The following TENM4 variants were observed in gnomAD, a reference collection of about 807,000 sequenced individuals.
TENM4 encodes the protein teneurin transmembrane protein 4, also known as teneurin-4.
Under a neutral mutation model 243.3 loss-of-function variants are expected in TENM4, and 82 were observed. That is an observed-to-expected ratio of 0.34 (90% CI 0.28 to 0.40). The LOEUF (loss-of-function observed/expected upper bound fraction) is 0.40. Among genes scored for constraint, TENM4 ranks in the 10% least tolerant of loss-of-function variants. The pLI, the probability that TENM4 is intolerant of heterozygous loss-of-function variation, is 1.00. For synonymous variants in TENM4, 1,412 were observed against 1,456.3 expected, an observed-to-expected ratio of 0.97 and a Z score of 0.69; for missense variants, 3,138 against 3,673.3, an observed-to-expected ratio of 0.85 and a Z score of 3.77.
chr11:78,944,954 T>C (rs924601010), intron 6 of TENM4, among the ~76,000 whole-genome samples: 2 of 152,248 alleles, frequency 1.3e-5, no homozygotes, highest in African/African-American at 4.8e-5. Flanking sequence ...TAAAAACTCT[T>C]AATAAAAGGA....
chr11:78,800,068 G>T (rs1284183773), intron 15 of TENM4, among the ~76,000 whole-genome samples: 1 of 152,158 alleles, frequency 6.6e-6, no homozygotes, highest in Non-Finnish European at 1.5e-5. Flanking sequence ...ATGCCACAGA[G>T]GCTAAAATCT....
chr11:79,277,688 C>A (rs1856083359), intron 2 of TENM4, among the ~76,000 whole-genome samples: 1 of 152,156 alleles, frequency 6.6e-6, no homozygotes, highest in African/African-American at 2.4e-5. Context: ...CTGCTGCTGT[C>A]AGGCAGACTT....
chr11:78,790,773 C>A (rs190563704), intron 15 of TENM4, among the ~76,000 whole-genome samples: 11 of 152,338 alleles, frequency 7.2e-5, no homozygotes, highest in Admixed American at 5.9e-4. Flanking sequence ...CTCAGCTTTT[C>A]CAGCAGATCC....
intron 2 of TENM4, among the ~76,000 whole-genome samples, chr11:79,250,066 A>C (rs1469140533): frequency 6.6e-6 from 1 of 151,914 alleles, no homozygotes; most frequent in Non-Finnish European, 1.5e-5. Flanking sequence ...GCTCACTTCA[A>C]CCTCTGTCTC....
intron 4 of TENM4, among the ~76,000 whole-genome samples, chr11:79,105,810 T>C (rs2137090026): frequency 6.6e-6 from 1 of 152,348 alleles, no homozygotes; most frequent in Middle Eastern, 3.4e-3. Flanking sequence ...AAGGTAACAG[T>C]GTTGCTGGCT....
intron 19 of TENM4, among the ~76,000 whole-genome samples, chr11:78,742,802 A>G (rs1855961383): frequency 6.6e-6 from 1 of 152,176 alleles, no homozygotes; most frequent in Non-Finnish European, 1.5e-5. Flanking sequence ...CTGGAGAGAC[A>G]AAACCACTCC....
At chr11:78,917,507 A>G (rs1856344066) in intron 6 of TENM4, among the ~76,000 whole-genome samples, 2 of 152,134 alleles carry the variant, frequency 1.3e-5, no homozygotes, top group African/African-American at 4.8e-5. Flanking sequence ...TATTTTTTTT[A>G]TATCGGCTCA....
chr11:78,830,574 G>A (rs1167606286), intron 12 of TENM4, among the ~76,000 whole-genome samples: 3 of 152,212 alleles, frequency 2.0e-5, no homozygotes, highest in African/African-American at 7.2e-5. Context: ...TTAGCAGGAC[G>A]CAGGTGCACA....
intron 3 of TENM4, among the ~76,000 whole-genome samples, chr11:79,189,880 T>C (rs962719978): frequency 6.6e-6 from 1 of 152,206 alleles, no homozygotes; most frequent in Non-Finnish European, 1.5e-5. Flanking sequence ...CCCACTCCTG[T>C]TGTCAGATCA....
chr11:79,147,349 C>T (rs374137876), intron 4 of TENM4, among the ~76,000 whole-genome samples: 18 of 152,114 alleles, frequency 1.2e-4, no homozygotes, highest in South Asian at 2.1e-4. Flanking sequence ...CATCTAGGAC[C>T]GGGGCTATGG....
intron 2 of TENM4, among the ~76,000 whole-genome samples, chr11:79,267,838 C>G (rs1855906598): frequency 6.6e-6 from 1 of 152,268 alleles, no homozygotes; most frequent in East Asian, 1.9e-4. Context: ...AGGTCCTGCC[C>G]CAGATGTACC....
At chr11:79,381,518 C>T (rs1259014605) in intron 1 of TENM4, among the ~76,000 whole-genome samples, 1 of 151,056 alleles carries the variant, frequency 6.6e-6, no homozygotes, top group Non-Finnish European at 1.5e-5. Flanking sequence ...GTTCATTCAA[C>T]CCGTTGACCG....
intron 1 of TENM4, among the ~76,000 whole-genome samples, chr11:79,321,444 C>T (rs1218161982): frequency 6.6e-6 from 1 of 151,956 alleles, no homozygotes; most frequent in African/African-American, 2.4e-5. Context: ...GTTGATGGTT[C>T]GATGTCCCAA....
At chr11:78,971,455 A>G (rs943223799) in intron 6 of TENM4, among the ~76,000 whole-genome samples, 8 of 152,034 alleles carry the variant, frequency 5.3e-5, no homozygotes, top group Non-Finnish European at 7.4e-5. Flanking sequence ...GGCACGCGCC[A>G]CCATGCCTAG....
At chr11:79,370,235 G>A (rs529791877) in intron 1 of TENM4, among the ~76,000 whole-genome samples, 47 of 152,278 alleles carry the variant, frequency 3.1e-4, no homozygotes, top group African/African-American at 1.1e-3. Context: ...CCCCTACGAC[G>A]GAGGCCAGGG....
intron 3 of TENM4, among the ~76,000 whole-genome samples, chr11:79,204,781 C>G (rs1863815768): frequency 6.6e-6 from 1 of 152,142 alleles, no homozygotes; most frequent in Non-Finnish European, 1.5e-5. Context: ...AAGAGGATAT[C>G]AGCAAAAACC....
intron 6 of TENM4, among the ~76,000 whole-genome samples, chr11:78,955,609 TTGGGGAAATTAGTGGAAA>T (rs1289439080): frequency 6.6e-6 from 1 of 152,152 alleles, no homozygotes; most frequent in Admixed American, 6.5e-5. Flanking sequence ...GCAGTGGTAT[TTGGGGAAATTAGTGGAAA>T]AGGAACTGCA....
chr11:79,395,888 T>C (rs570196965), intron 1 of TENM4, among the ~76,000 whole-genome samples: 6 of 152,316 alleles, frequency 3.9e-5, no homozygotes, highest in African/African-American at 1.4e-4. Flanking sequence ...TATTTGTCCC[T>C]GTTCTTGAGC....
At chr11:79,201,298 CA>C (rs1488000240) in intron 3 of TENM4, among the ~76,000 whole-genome samples, 6 of 152,146 alleles carry the variant, frequency 3.9e-5, no homozygotes, top group Non-Finnish European at 8.8e-5. Context: ...CAGAAATAGC[CA>C]CCTGCCTTGC....
Sources: allele counts gnomAD v4.1 joint callset (sites outside exome capture counted in the v4.1 genomes callset), GRCh38; gene constraint gnomAD v4.1.1; transcripts MANE v1.5; gene names NCBI Gene and HGNC (gene_info 2026-07-23, HGNC 2026-07-21).